KPNA6: variants seen among roughly 807,000 people sequenced by gnomAD.
KPNA6 encodes the protein karyopherin subunit alpha 6.
In KPNA6, 9 loss-of-function variants were observed where a neutral mutation model predicts 72.0. The ratio of observed to expected loss-of-function variants is 0.13; its 90% CI spans 0.08 to 0.22. KPNA6 has a LOEUF of 0.22. Ranked by LOEUF, KPNA6 falls within the 10% of genes least tolerant of loss-of-function variation. The pLI is 1.00. For missense variants in KPNA6, 374 were observed against 655.7 expected (o/e 0.57, Z 4.69); for synonymous variants, 219 against 242.1 (o/e 0.90, Z 0.89).
rs1208583362 is a variant in KPNA6, at chr1:32,175,061, C to T, written c.*4167C>T. On this transcript the variant is annotated 3_prime_UTR_variant, in exon 14 of 14. Coordinates refer to ENST00000373625, the MANE Select transcript of KPNA6 (RefSeq NM_012316.5). Reference sequence around the variant, plus strand: ...AAGGCCTTCATAAATGATTCAGTCTCTCATTATCTGTCCTCTAGCCCCACA... The same window carrying T: ...AAGGCCTTCATAAATGATTCAGTCTTTCATTATCTGTCCTCTAGCCCCACA... 6.6e-6 allele frequency: 1 copy of T among 152,218 alleles called. No homozygotes were observed. The highest frequency in any genetic ancestry group is 1.9e-4 in the East Asian group (1 of 5,198). The allele number at this position is 152,218 out of a possible 1,614,324, so 9.4% of individuals were successfully genotyped here. A position where few individuals can be genotyped will look rare whatever the true frequency, so the allele number is the denominator to read the frequency against.
intron 1 of KPNA6, among the ~76,000 whole-genome samples, chr1:32,139,704 A>C (rs1641805170): frequency 6.6e-6 from 1 of 152,218 alleles, no homozygotes; most frequent in Admixed American, 6.6e-5. Flanking sequence ...AAAAGTGATC[A>C]GATGTTGGAT....
intron 1 of KPNA6, among the ~76,000 whole-genome samples, chr1:32,114,428 C>T (rs1641292899): frequency 2.1e-5 from 3 of 140,646 alleles, no homozygotes; most frequent in South Asian, 4.5e-4. Flanking sequence ...GCGACAAGAA[C>T]GAAACTCTGT....
rs1642470718 is a variant in KPNA6 at position 32,173,277 on chromosome 1, G to A, written c.*2383G>A. 2.5e-6 allele frequency: 1 copy of A among 392,840 alleles called. No individual in the cohort carries two copies. 24.3% of individuals were successfully genotyped at this position (392,840 alleles called of 1,614,324 possible). The stretch of plus-strand genomic sequence containing the variant: ...TCTACTTTGTACATCTCAAGTAAGA[G>A]TTAAGTCCCTGATACAGGGACCAGT... On this transcript the variant is annotated 3_prime_UTR_variant, in exon 14 of 14. Coordinates refer to ENST00000373625, the MANE Select transcript of KPNA6 (RefSeq NM_012316.5).
At chr1:32,151,124 C>G (rs564214187) in intron 1 of KPNA6, among the ~76,000 whole-genome samples, 1 of 152,232 alleles carries the variant, frequency 6.6e-6, no homozygotes, top group South Asian at 2.1e-4. Context: ...GGATTCCAAG[C>G]ATTGTGAATT....
chr1:32,127,674 C>G (rs906503576), intron 1 of KPNA6, among the ~76,000 whole-genome samples: 4 of 152,316 alleles, frequency 2.6e-5, no homozygotes, highest in African/African-American at 9.6e-5. Flanking sequence ...GCTATTCTAT[C>G]TCAGAGGCAT....
intron 1 of KPNA6, among the ~76,000 whole-genome samples, chr1:32,112,262 A>T (rs1296804220): frequency 6.6e-6 from 1 of 152,234 alleles, no homozygotes; most frequent in Non-Finnish European, 1.5e-5. Context: ...TATAATAATA[A>T]TAATACCCAA....
chr1:32,147,160 G>T (rs1008543855), intron 1 of KPNA6, among the ~76,000 whole-genome samples: 1 of 152,100 alleles, frequency 6.6e-6, no homozygotes, highest in African/African-American at 2.4e-5. Context: ...TGCAGAGCAG[G>T]TCTAGTGGTA....
At chr1:32,116,189 C>CTTTTT (rs370003341) in intron 1 of KPNA6, among the ~76,000 whole-genome samples, 4 of 141,408 alleles carry the variant, frequency 2.8e-5, no homozygotes, top group Non-Finnish European at 1.5e-5. Context: ...CTTTTCTTTT[C>CTTTTT]TTTTTTTTTT....
intron 7 of KPNA6, 48 bp downstream of exon 7, chr1:32,160,751 G>T: frequency 7.2e-7 from 1 of 1,388,518 alleles, no homozygotes; most frequent in Non-Finnish European, 1.0e-6. Flanking sequence ...GGGTGGCCAC[G>T]TGGCAGGTCA....
chr1:32,140,814 A>G (rs576305987), intron 1 of KPNA6, among the ~76,000 whole-genome samples: 184 of 152,340 alleles, frequency 1.2e-3, no homozygotes, highest in African/African-American at 4.2e-3. Context: ...CATCAACTTT[A>G]TATTAATTTA....
chr1:32,138,976 C>A (rs1440628780), intron 1 of KPNA6, among the ~76,000 whole-genome samples: 1 of 152,034 alleles, frequency 6.6e-6, no homozygotes, highest in Non-Finnish European at 1.5e-5. Context: ...GTAAGAAATT[C>A]TTCTGTAGTC....
At chr1:32,166,312 G>T in intron 11 of KPNA6, 82 bp downstream of exon 11, 1 of 1,493,190 alleles carries the variant, frequency 6.7e-7, no homozygotes, top group Non-Finnish European at 9.0e-7. Flanking sequence ...TCAGAAGAAA[G>T]AATTTGTTTC....
intron 1 of KPNA6, among the ~76,000 whole-genome samples, chr1:32,119,033 T>TATATA (rs1491488662): frequency 6.8e-4 from 25 of 36,806 alleles, no homozygotes; most frequent in East Asian, 1.1e-3. Context: ...TATATATATA[T>TATATA]TTTTTTTTTT....
intron 10 of KPNA6, among the ~76,000 whole-genome samples, chr1:32,165,759 A>G (rs532806141): frequency 3.3e-5 from 5 of 152,110 alleles, no homozygotes; most frequent in Non-Finnish European, 7.4e-5. Flanking sequence ...ACACTTTGGG[A>G]GGCCGAGGCA....
chr1:32,118,706 C>T (rs1641369640), intron 1 of KPNA6, among the ~76,000 whole-genome samples: 1 of 151,714 alleles, frequency 6.6e-6, no homozygotes, highest in Non-Finnish European at 1.5e-5. Flanking sequence ...ACAGAAGGAT[C>T]GTTTGAACCT....
intron 10 of KPNA6, among the ~76,000 whole-genome samples, chr1:32,164,355 T>G (rs1642293214): frequency 6.6e-6 from 1 of 152,194 alleles, no homozygotes; most frequent in South Asian, 2.1e-4. Flanking sequence ...CTATGAACAT[T>G]GGTGTACAAA....
At chr1:32,127,882 TCTAAA>T (rs1199043828) in intron 1 of KPNA6, among the ~76,000 whole-genome samples, 1 of 152,236 alleles carries the variant, frequency 6.6e-6, no homozygotes. Flanking sequence ...GAGCTGTGAG[TCTAAA>T]CTAAGTTGTA....
intron 1 of KPNA6, among the ~76,000 whole-genome samples, chr1:32,125,665 C>T (rs537777105): frequency 6.6e-6 from 1 of 152,268 alleles, no homozygotes; most frequent in East Asian, 1.9e-4. Flanking sequence ...TTTTCTCCCT[C>T]GCCGACAAAC....
chr1:32,160,416 A>G (rs1047150217), intron 6 of KPNA6, among the ~76,000 whole-genome samples, 199 bp from the exon 7 acceptor site: 2 of 152,128 alleles, frequency 1.3e-5, no homozygotes, highest in African/African-American at 2.4e-5. Context: ...CTGCTGAACC[A>G]GGAACTCCCA....
Sources: gnomAD v4.1 joint callset for allele counts (sites outside exome capture counted in the v4.1 genomes callset) on GRCh38, gnomAD v4.1.1 for gene constraint, MANE v1.5 for transcripts, NCBI Gene and HGNC (gene_info 2026-07-23, HGNC 2026-07-21) for gene names.